The following MAMLD1 variants were observed in gnomAD, a reference collection of about 807,000 sequenced individuals.
The protein encoded by MAMLD1 is mastermind like domain containing 1, also known as mastermind-like domain-containing protein 1.
In MAMLD1, 14 loss-of-function variants were observed where a neutral mutation model predicts 45.0. The observed-to-expected ratio is 0.31, with a 90% CI of 0.21 to 0.49. The LOEUF is 0.49. Ranked by LOEUF, MAMLD1 falls within the 20% of genes least tolerant of loss-of-function variation. The pLI, the probability that MAMLD1 is intolerant of heterozygous loss-of-function variation, is 0.99. For synonymous variants in MAMLD1, 254 were observed against 247.8 expected (o/e 1.02, Z -0.24); for missense variants, 543 against 603.6 (o/e 0.90, Z 1.05).
chrX:150,456,456 A>G (rs1557405342), intron 2 of MAMLD1, among the ~76,000 whole-genome samples: 1 of 111,846 alleles, frequency 8.9e-6, no homozygotes, highest in African/African-American at 3.3e-5. Context: ...CTGGGATTTT[A>G]TAAAGGCCTG....
chrX:150,407,921 A>C lies in MAMLD1; in HGVS notation c.-63-37533A>C, dbSNP rs142798448. On this transcript the variant is annotated intron_variant, in intron 1 of 7. Coordinates refer to ENST00000370401, the MANE Select transcript of MAMLD1 (RefSeq NM_005491.5). The stretch of plus-strand genomic sequence containing the variant: ...GCATGTGTGTGTTGATCATTATAAC[A>C]ATCTGTCTTATTCTTATGTGATTTC... Among the ~76,000 whole-genome samples the C allele has an allele frequency of 9.4e-3, 1,059 of 112,067 alleles. 8 individuals carry two copies. Among genetic ancestry groups the C allele is most frequent in the Non-Finnish European group, 0.014 (750 of 53,238 alleles).
chrX:150,461,731 G>C (rs2036046116), intron 2 of MAMLD1, among the ~76,000 whole-genome samples: 1 of 111,558 alleles, frequency 9.0e-6, no homozygotes, highest in South Asian at 3.8e-4. Flanking sequence ...CACACATGGA[G>C]TTTTGTGTTG....
intron 1 of MAMLD1, among the ~76,000 whole-genome samples, chrX:150,426,728 C>T (rs1400430763): frequency 1.8e-5 from 2 of 110,574 alleles, no homozygotes; most frequent in African/African-American, 6.6e-5. Context: ...TCTTATTCAT[C>T]ATAATGAGAG....
chrX:150,371,675 A>C (rs138353531), intron 1 of MAMLD1, among the ~76,000 whole-genome samples: 2 of 111,877 alleles, frequency 1.8e-5, no homozygotes, highest in Non-Finnish European at 3.8e-5. Context: ...CAAGTAATGC[A>C]TTTCTATTTT....
chrX:150,481,976 GAAAGAAAGA>G (rs2036804678), intron 5 of MAMLD1, among the ~76,000 whole-genome samples: 2 of 77,359 alleles, frequency 2.6e-5, no homozygotes, highest in African/African-American at 6.1e-5. Context: ...AAGAAAGAAA[GAAAGAAAGA>G]AAGAAAGAAA....
At chrX:150,493,735 A>G (rs1178252992) in intron 5 of MAMLD1, among the ~76,000 whole-genome samples, 2 of 111,757 alleles carry the variant, frequency 1.8e-5, no homozygotes, top group Admixed American at 1.9e-4. Flanking sequence ...ATTTCCACAG[A>G]TGGCTCATCT....
At chrX:150,409,672 C>T (rs141348545) in intron 1 of MAMLD1, among the ~76,000 whole-genome samples, 10 of 111,933 alleles carry the variant, frequency 8.9e-5, no homozygotes, top group Admixed American at 1.9e-4. Flanking sequence ...GACTAGTCCA[C>T]ACTCATCCTT....
chrX:150,414,886 C>G (rs1325757470), intron 1 of MAMLD1, among the ~76,000 whole-genome samples: 4 of 111,702 alleles, frequency 3.6e-5, no homozygotes, highest in Admixed American at 1.9e-4. Context: ...TTTTTGACAA[C>G]CCTTAAGCAT....
intron 5 of MAMLD1, among the ~76,000 whole-genome samples, chrX:150,485,350 T>A (rs5924736): frequency 3.6e-5 from 4 of 110,375 alleles, no homozygotes; most frequent in East Asian, 2.9e-4. Flanking sequence ...GAGAATGAGC[T>A]CTCACAATTG....
At chrX:150,432,750 C>T (rs1311413177) in intron 1 of MAMLD1, among the ~76,000 whole-genome samples, 2 of 111,675 alleles carry the variant, frequency 1.8e-5, no homozygotes, top group African/African-American at 6.5e-5. Flanking sequence ...TTTCCGGGCT[C>T]TCTATTATGT....
At chrX:150,408,445 G>A (rs2034048866) in intron 1 of MAMLD1, among the ~76,000 whole-genome samples, 1 of 111,458 alleles carries the variant, frequency 9.0e-6, no homozygotes, top group Non-Finnish European at 1.9e-5. Flanking sequence ...TCTACAAAAA[G>A]AGTCTGTTTT....
chrX:150,424,021 A>C, intron 1 of MAMLD1, among the ~76,000 whole-genome samples: 1 of 112,410 alleles, frequency 8.9e-6, no homozygotes, highest in Non-Finnish European at 1.9e-5. Context: ...GAGCATTGCT[A>C]TTGTTGGTGT....
chrX:150,388,370 T>C (rs2033025345), intron 1 of MAMLD1, among the ~76,000 whole-genome samples: 1 of 111,860 alleles, frequency 8.9e-6, no homozygotes. Flanking sequence ...ATAAAATGGA[T>C]TGGGAAGTAA....
chrX:150,477,502 A>G (rs782598039), intron 5 of MAMLD1, among the ~76,000 whole-genome samples: 1 of 111,583 alleles, frequency 9.0e-6, no homozygotes, highest in Admixed American at 9.4e-5. Flanking sequence ...ACAGTCCCTT[A>G]GGGGCGTTAA....
chrX:150,438,028 G>T (rs1160259633), intron 1 of MAMLD1, among the ~76,000 whole-genome samples: 4 of 110,220 alleles, frequency 3.6e-5, no homozygotes, highest in Non-Finnish European at 7.6e-5. Flanking sequence ...CCAGGCCGTT[G>T]CTTGTATCAA....
chrX:150,484,313 C>T (rs781884095), intron 5 of MAMLD1, among the ~76,000 whole-genome samples: 1 of 111,904 alleles, frequency 8.9e-6, no homozygotes, highest in Non-Finnish European at 1.9e-5. Context: ...TTCTTTTATT[C>T]TTTTGTTTGC....
intron 1 of MAMLD1, among the ~76,000 whole-genome samples, chrX:150,383,536 T>C (rs2032772535): frequency 9.0e-6 from 1 of 111,282 alleles, no homozygotes; most frequent in African/African-American, 3.3e-5. Flanking sequence ...TTATATTATA[T>C]TAAATATCTA....
In MAMLD1 at chrX:150,470,510, A is replaced by C; in HGVS notation, c.937A>C (p.Ser313Arg). The change falls in exon 4 of 8, where the codon AGC becomes CGC. Residue 313 changes from serine (S) to arginine (R), a missense_variant. Coordinates refer to ENST00000370401, the MANE Select transcript of MAMLD1 (RefSeq NM_005491.5). ...HAHQLKALAA[S>R]KQGSATKQQG... is the part of the protein sequence containing the mutation. Reference sequence around the variant, plus strand: ...CCACCAGCTGAAGGCGTTGGCAGCCAGCAAGCAGGGGTCTGCTACAAAGCA... The same window carrying C: ...CCACCAGCTGAAGGCGTTGGCAGCCCGCAAGCAGGGGTCTGCTACAAAGCA... The C allele has an allele frequency of 8.3e-7, 1 of 1,211,736 alleles. No individual in the cohort carries two copies. The highest frequency in any genetic ancestry group is 1.7e-5 in the African/African-American group (1 of 57,740).
At chrX:150,467,691 G>A (rs1181022469) in intron 3 of MAMLD1, among the ~76,000 whole-genome samples, 1 of 112,672 alleles carries the variant, frequency 8.9e-6, no homozygotes, top group Non-Finnish European at 1.9e-5. Flanking sequence ...CCAACAACAT[G>A]GCGAAGGCAG....
Sources: allele counts gnomAD v4.1 joint callset (sites outside exome capture counted in the v4.1 genomes callset), GRCh38; gene constraint gnomAD v4.1.1; transcripts MANE v1.5; gene names NCBI Gene and HGNC (gene_info 2026-07-23, HGNC 2026-07-21).